ARMH1: variants seen among roughly 807,000 people sequenced by gnomAD.
The protein encoded by ARMH1 is armadillo-like helical domain containing protein 1.
In ARMH1, 34 loss-of-function variants were observed where a neutral mutation model predicts 50.2. The observed-to-expected ratio is 0.68, with a 90% CI of 0.51 to 0.90. ARMH1 has a LOEUF of 0.90. Ranked by LOEUF, ARMH1 falls within the 40% of genes least tolerant of loss-of-function variation. The pLI, the probability that ARMH1 is intolerant of heterozygous loss-of-function variation, is 0.00. For synonymous variants in ARMH1, 221 were observed against 224.2 expected (o/e 0.99, Z 0.13); for missense variants, 538 against 553.9 (o/e 0.97, Z 0.29).
intron 5 of ARMH1, 122 bp from the exon 6 acceptor site, chr1:44,703,967 C>T: frequency 1.5e-6 from 1 of 671,156 alleles, no homozygotes; most frequent in Non-Finnish European, 2.6e-6. Context: ...ACCTCGTGAT[C>T]TGCCCACCTC....
At position 44,725,324 on chromosome 1, in the gene ARMH1, A is replaced by T. The variant is rs1331819329; in HGVS notation, c.1244A>T (p.Asn415Ile). ...CTCCATGGCAGCTCCTACAGCATGA[A>T]CACTCTCTATGGCTCGCGCGATTCG... ...LCLHGSSYSM[N>I]TLYGSRDSAQ... The change falls in exon 12 of 12, where the codon AAC becomes ATC. Residue 415 changes from asparagine to isoleucine, a missense_variant. By Grantham distance (149) the Asn-to-Ile change is moderately radical. Coordinates refer to ENST00000535358, the MANE Select transcript of ARMH1 (RefSeq NM_001145636.2). 2 of 1,551,790 alleles carry T rather than the reference A, an allele frequency of 1.3e-6. No homozygotes were observed. The highest frequency in any genetic ancestry group is 1.7e-6 in the Non-Finnish European group (2 of 1,147,012).
At chr1:44,675,758 G>A (rs901452461) in intron 1 of ARMH1, among the ~76,000 whole-genome samples, 1 of 151,636 alleles carries the variant, frequency 6.6e-6, no homozygotes, top group Admixed American at 6.6e-5. Flanking sequence ...TCAGGAGTTC[G>A]AGACCAGCCT....
chr1:44,725,063 C>A, intron 10 of ARMH1, 73 bp from the exon 11 acceptor site: 1 of 1,545,432 alleles, frequency 6.5e-7, no homozygotes. Context: ...CTGCAACATC[C>A]CTCTGCCAAG....
At chr1:44,679,163 G>A (rs867737862) in intron 1 of ARMH1, among the ~76,000 whole-genome samples, 6 of 152,122 alleles carry the variant, frequency 3.9e-5, no homozygotes, top group African/African-American at 7.2e-5. Flanking sequence ...TTTTAATTTC[G>A]CGTGCTTGAT....
Position 44,701,064 on chromosome 1 carries a change from C to T in ARMH1, c.584C>T (p.Pro195Leu), listed in dbSNP as rs1222955640. 6.4e-7 allele frequency: 1 copy of T among 1,551,690 alleles called. No individual in the cohort carries two copies. The highest frequency in any genetic ancestry group is 1.4e-5 in the African/African-American group (1 of 73,130). Reference sequence around the variant, plus strand: ...TATAAAGGTCTAATAGCTTTGCTGCCCTGCGAGTCCCCAAAAGCCCAGCAG... The same window carrying T: ...TATAAAGGTCTAATAGCTTTGCTGCTCTGCGAGTCCCCAAAAGCCCAGCAG... Reference protein sequence around the residue: ...QVYKGLIALLPCESPKAQQLS... With the variant: ...QVYKGLIALLLCESPKAQQLS... The change falls in exon 5 of 12, where the codon CCC (proline) becomes CTC (leucine). Residue 195 changes from proline to leucine, a missense_variant. Coordinates refer to ENST00000535358, the MANE Select transcript of ARMH1 (RefSeq NM_001145636.2).
intron 5 of ARMH1, among the ~76,000 whole-genome samples, chr1:44,703,035 CAG>C (rs1286677238): frequency 6.6e-6 from 1 of 152,052 alleles, no homozygotes; most frequent in Non-Finnish European, 1.5e-5. Context: ...AAGGAGAAGA[CAG>C]AGTTGAAGGA....
chr1:44,692,491 G>A (rs978699572), intron 2 of ARMH1, among the ~76,000 whole-genome samples: 3 of 151,966 alleles, frequency 2.0e-5, no homozygotes, highest in Non-Finnish European at 4.4e-5. Flanking sequence ...GGCAAGAATC[G>A]CATCTGTTCT....
chr1:44,712,658 CTTCT>C (rs1005351934), intron 6 of ARMH1, among the ~76,000 whole-genome samples: 4 of 148,548 alleles, frequency 2.7e-5, no homozygotes, highest in Non-Finnish European at 5.9e-5. Flanking sequence ...ATCAGGATTT[CTTCT>C]TTTTTCTTTT....
intron 6 of ARMH1, among the ~76,000 whole-genome samples, chr1:44,710,527 T>A (rs1360206389): frequency 6.9e-6 from 1 of 144,470 alleles, no homozygotes; most frequent in African/African-American, 2.6e-5. Context: ...GAGAATGGCG[T>A]GAACCCAGGA....
chr1:44,699,715 G>A (rs919206795), intron 4 of ARMH1, among the ~76,000 whole-genome samples: 1 of 152,014 alleles, frequency 6.6e-6, no homozygotes, highest in Non-Finnish European at 1.5e-5. Flanking sequence ...GCCTCCCAAA[G>A]TACTGGAATT....
chr1:44,713,351 G>A (rs1458510149), intron 6 of ARMH1, among the ~76,000 whole-genome samples: 8 of 151,738 alleles, frequency 5.3e-5, no homozygotes, highest in Non-Finnish European at 1.2e-4. Flanking sequence ...CACCTGCCTC[G>A]GGCTCCCAAA....
At chr1:44,709,778 A>C (rs1444696931) in intron 6 of ARMH1, among the ~76,000 whole-genome samples, 1 of 152,026 alleles carries the variant, frequency 6.6e-6, no homozygotes, top group Admixed American at 6.6e-5. Flanking sequence ...CGGAGGTTGC[A>C]GTGAGCCCAG....
intron 5 of ARMH1, 55 bp from the exon 6 acceptor site, chr1:44,704,034 A>C: frequency 1.4e-6 from 2 of 1,448,280 alleles, no homozygotes; most frequent in Non-Finnish European, 1.9e-6. Context: ...CCGGGAATCC[A>C]TCTTTAAAAA....
chr1:44,688,572 T>A (rs979511095), intron 1 of ARMH1, among the ~76,000 whole-genome samples: 2 of 152,202 alleles, frequency 1.3e-5, no homozygotes, highest in African/African-American at 4.8e-5. Flanking sequence ...CACAAGCTGT[T>A]CTCTCCATAT....
In ARMH1 at chr1:44,701,136, T is replaced by G. The variant is rs1302351495; in HGVS notation, c.639+17T>G. On this transcript the variant is annotated intron_variant, in intron 5 of 11. Coordinates refer to ENST00000535358, the MANE Select transcript of ARMH1 (RefSeq NM_001145636.2). ...ACTGCCCAGGTGAGCCAAGGCTGCA[T>G]GCTCCTGTGGTTCTGATTCAGATGC... is the stretch of plus-strand genomic sequence containing the variant. 6.5e-7 allele frequency: 1 copy of G among 1,538,418 alleles called. No homozygotes were observed. The highest frequency in any genetic ancestry group is 2.0e-5 in the Admixed American group (1 of 48,868).
chr1:44,682,570 G>A lies in ARMH1; in HGVS notation c.-22-7106G>A, dbSNP rs935835905. Among the ~76,000 whole-genome samples, 5 of 152,166 alleles carry A rather than the reference G, an allele frequency of 3.3e-5. No homozygotes were observed. The highest frequency in any genetic ancestry group is 1.2e-4 in the African/African-American group (5 of 41,442). On this transcript the variant is annotated intron_variant, in intron 1 of 11. Coordinates refer to ENST00000535358, the MANE Select transcript of ARMH1 (RefSeq NM_001145636.2). The surrounding 1 kb of genome is among the most constrained non-coding windows in gnomAD (Gnocchi z 4.5). ...TGAAATGTTTGAAGCTTTATCCTCA[G>A]GTAGTAAGGAACCACTGAAGAGTTT...
intron 6 of ARMH1, among the ~76,000 whole-genome samples, chr1:44,704,961 A>G (rs1646274080): frequency 6.6e-6 from 1 of 151,650 alleles, no homozygotes; most frequent in Non-Finnish European, 1.5e-5. Flanking sequence ...CAGCCTCCCA[A>G]GTAGCTGGGA....
At chr1:44,707,188 C>T (rs1047585869) in intron 6 of ARMH1, among the ~76,000 whole-genome samples, 5 of 151,694 alleles carry the variant, frequency 3.3e-5, no homozygotes, top group Admixed American at 2.6e-4. Flanking sequence ...GCCATCATGG[C>T]TTTTATCCTT....
intron 1 of ARMH1, among the ~76,000 whole-genome samples, chr1:44,676,125 G>GA (rs1645132662): frequency 6.6e-6 from 1 of 152,076 alleles, no homozygotes. Flanking sequence ...CTTATAGCTA[G>GA]AAAAAAATGG....
Sources: gnomAD v4.1 joint callset for allele counts (sites outside exome capture counted in the v4.1 genomes callset) on GRCh38, gnomAD v4.1.1 for gene constraint, Gnocchi (gnomAD v3.1) non-coding constraint, MANE v1.5 for transcripts, NCBI Gene and HGNC (gene_info 2026-07-23, HGNC 2026-07-21) for gene names.